The following STARD9 variants were observed in gnomAD, a reference collection of about 807,000 sequenced individuals.
STARD9 encodes StAR related lipid transfer domain containing 9.
A neutral mutation model predicts 399.8 loss-of-function variants in STARD9; 346 were observed. The ratio of observed to expected loss-of-function variants is 0.87; its 90% confidence interval spans 0.79 to 0.95. STARD9 has a LOEUF of 0.95. Ranked by LOEUF, STARD9 falls within the 40% of genes least tolerant of loss-of-function variation. The pLI is 0.00. For missense variants in STARD9, 5,832 were observed against 5,667.5 expected (o/e 1.03, Z -0.93); for synonymous variants, 2,203 against 2,143.5 (o/e 1.03, Z -0.77).
chr15:42,674,313 G>T, intron 16 of STARD9, 127 bp from the exon 17 acceptor site: 1 of 764,652 alleles, frequency 1.3e-6, no homozygotes, highest in Non-Finnish European at 2.2e-6. Context: ...CGACCAGGCT[G>T]GGATGGGATG....
chr15:42,633,415 T>C (rs543524780), intron 3 of STARD9, among the ~76,000 whole-genome samples: 2 of 152,254 alleles, frequency 1.3e-5, no homozygotes, highest in Admixed American at 6.5e-5. Flanking sequence ...CAAGAAGGCA[T>C]GGGATGCTAA....
chr15:42,582,241 T>TA (rs1225240230), intron 1 of STARD9, among the ~76,000 whole-genome samples: 2 of 152,216 alleles, frequency 1.3e-5, no homozygotes, highest in African/African-American at 2.4e-5. Context: ...TGAGGAAGGA[T>TA]AAAAAATAAG....
intron 16 of STARD9, chr15:42,672,474 C>G (rs1031548225): frequency 6.6e-6 from 1 of 152,178 alleles, no homozygotes; most frequent in Admixed American, 6.5e-5. Context: ...TGTGCCATAG[C>G]CTTTATCTTT....
At chr15:42,717,469 A>T (rs1292733446) in intron 28 of STARD9, among the ~76,000 whole-genome samples, 1 of 151,968 alleles carries the variant, frequency 6.6e-6, no homozygotes, top group African/African-American at 2.4e-5. Flanking sequence ...CCAAAAAAAT[A>T]AAAAAAGATA....
chr15:42,575,803 G>A, intron 1 of STARD9, 41 bp downstream of exon 1: 1 of 1,530,960 alleles, frequency 6.5e-7, no homozygotes, highest in African/African-American at 1.4e-5. Flanking sequence ...CTTCACAGGA[G>A]CTGAAAAGAG....
chr15:42,693,221 G>T lies in STARD9; in HGVS notation c.11643G>T (p.Arg3881Ser), dbSNP rs2060757001. The change falls in exon 23 of 33, where the codon AGG (arginine) becomes AGT (serine). Residue 3881 changes from arginine to serine, a missense_variant. By Grantham distance (110) the Arg-to-Ser change is moderately radical (BLOSUM62 -1). Around this residue, in one of 2 missense-constraint regions of STARD9, gnomAD observed 5,828 missense variants for 5,651.1 expected, o/e 1.03. Coordinates refer to ENST00000290607, the MANE Select transcript of STARD9 (RefSeq NM_020759.3). Reference protein sequence around the residue: ...PSTSEYPGDSRVQKKLGPTSA... With the variant: ...PSTSEYPGDSSVQKKLGPTSA... ...CTTCCGAGTATCCTGGGGACTCCAGGGTCCAGAAGAAGCTGGGCCCCACAA... is the reference window on the plus strand; with the variant it reads ...CTTCCGAGTATCCTGGGGACTCCAGTGTCCAGAAGAAGCTGGGCCCCACAA... 1 of 1,536,910 alleles carries T rather than the reference G, an allele frequency of 6.5e-7. No individual in the cohort carries two copies. Among genetic ancestry groups the T allele is most frequent in the Non-Finnish European group, 8.7e-7 (1 of 1,146,842 alleles).
At chr15:42,714,424 A>G (rs2061314689) in intron 26 of STARD9, among the ~76,000 whole-genome samples, 1 of 152,158 alleles carries the variant, frequency 6.6e-6, no homozygotes, top group Non-Finnish European at 1.5e-5. Context: ...AGTAATTTAC[A>G]TTATTGAATT....
rs2061361169 is a variant in STARD9, at chr15:42,716,910, C to T, written c.13373-17C>T. 1.3e-6 allele frequency: 2 copies of T among 1,537,014 alleles called. No homozygotes were observed. Among genetic ancestry groups the T allele is most frequent in the East Asian group, 2.4e-5 (1 of 40,924 alleles). ...GATGTTCAGTGCTATCACAGGGCCT[C>T]CACCTATTTCTTGTAGGCCACAGAG... On this transcript the variant is annotated splice_polypyrimidine_tract_variant and intron_variant, in intron 27 of 32. Transcript: ENST00000290607.
intron 7 of STARD9, among the ~76,000 whole-genome samples, chr15:42,648,747 T>C (rs2059695294): frequency 6.6e-6 from 1 of 152,104 alleles, no homozygotes; most frequent in African/African-American, 2.4e-5. Flanking sequence ...AGCCATTACC[T>C]TTCCCTTTTT....
At position 42,606,258 on chromosome 15, in the gene STARD9, TC is replaced by T. The variant is rs558945520; in HGVS notation, c.234+20623del. Among the ~76,000 whole-genome samples, 20 of 152,334 alleles carry T rather than the reference TC, an allele frequency of 1.3e-4. 1 individual carries two copies. In the South Asian group the frequency reaches 4.1e-3, roughly 32 times the overall value. Reference sequence around the variant, plus strand: ...TAGTCCATTCTACTGTCTCACCACATCCTGCTACCTTTGCACTCCTTCTCTG... The same window carrying T: ...TAGTCCATTCTACTGTCTCACCACATCTGCTACCTTTGCACTCCTTCTCTG... On this transcript the variant is annotated intron_variant, in intron 3 of 32. Coordinates refer to ENST00000290607, the MANE Select transcript of STARD9 (RefSeq NM_020759.3).
chr15:42,599,688 A>G (rs1160444706), intron 3 of STARD9, among the ~76,000 whole-genome samples: 1 of 152,192 alleles, frequency 6.6e-6, no homozygotes. Context: ...ACTAGGTCTC[A>G]TCTATCTTTG....
intron 22 of STARD9, among the ~76,000 whole-genome samples, chr15:42,682,784 C>T (rs760782918): frequency 5.3e-5 from 8 of 152,108 alleles, no homozygotes; most frequent in Non-Finnish European, 1.2e-4. Context: ...TCCCATCTTC[C>T]TTACCCCCTG....
In STARD9 at chr15:42,692,505, C is replaced by A; in HGVS notation, c.10927C>A (p.Gln3643Lys). ...GACGAACACATTCGAACAGGGCACA[C>A]AGACCCTCGGCAGCAGGCGCCACTG... ...TRTNTFEQGT[Q>K]TLGSRRHWSS... The change falls in exon 23 of 33, where the codon CAG becomes AAG. Residue 3643 changes from glutamine (Q) to lysine (K), a missense_variant. By Grantham distance (53) the Gln-to-Lys change is moderately conservative. Coordinates refer to ENST00000290607, the MANE Select transcript of STARD9 (RefSeq NM_020759.3). 1 of 1,537,182 alleles carries A rather than the reference C, an allele frequency of 6.5e-7. No homozygotes were observed. Among genetic ancestry groups the A allele is most frequent in the Non-Finnish European group, 8.7e-7 (1 of 1,146,908 alleles).
intron 20 of STARD9, among the ~76,000 whole-genome samples, chr15:42,677,823 G>T (rs2060342170): frequency 6.6e-6 from 1 of 152,136 alleles, no homozygotes; most frequent in Non-Finnish European, 1.5e-5. Flanking sequence ...AGCCCCTATT[G>T]CTGCCAGCAA....
rs1353156319 is a variant in STARD9 at position 42,719,772 on chromosome 15, G to A, written c.*198G>A. ...GTACTTGGTCACAGCTGGCACCAGT[G>A]CAGAGCAAACGGCCTGAGCTCCTGG... On this transcript the variant is annotated 3_prime_UTR_variant, in exon 33 of 33. Coordinates refer to ENST00000290607, the MANE Select transcript of STARD9 (RefSeq NM_020759.3). 1 of 565,650 alleles carries A rather than the reference G, an allele frequency of 1.8e-6. No individual in the cohort carries two copies. The allele number at this position is 565,650 out of a possible 1,614,324, so 35.0% of individuals were successfully genotyped here.
chr15:42,607,204 T>TTTTTC (rs2058746862), intron 3 of STARD9, among the ~76,000 whole-genome samples: 2 of 126,924 alleles, frequency 1.6e-5, no homozygotes, highest in Non-Finnish European at 3.5e-5. Context: ...CTTTTTTTTT[T>TTTTTC]TTTTTTTTTT....
intron 3 of STARD9, among the ~76,000 whole-genome samples, chr15:42,621,429 G>T (rs1253987245): frequency 1.3e-5 from 2 of 152,074 alleles, no homozygotes; most frequent in African/African-American, 2.4e-5. Context: ...AAATTTAACA[G>T]AGCTTAATTG....
rs767759380 is a variant in STARD9 at position 42,716,961 on chromosome 15, A to G, written c.13407A>G (p.Ser4469=). 1 of 1,537,174 alleles carries G rather than the reference A, an allele frequency of 6.5e-7. No homozygotes were observed. The highest frequency in any genetic ancestry group is 8.7e-7 in the Non-Finnish European group (1 of 1,146,890). Residue 4469 remains serine, a synonymous_variant, in exon 28 of 33, where the codon TCA becomes TCG. Transcript: ENST00000290607. Reference sequence around the variant, plus strand: ...CCTCCCTGGGCAGTTGCTGCTGTTCACCATCCAGTCTGTCCAGCTTGGGGA... The same window carrying G: ...CCTCCCTGGGCAGTTGCTGCTGTTCGCCATCCAGTCTGTCCAGCTTGGGGA... ...HRASLGSCCC[S]PSSLSSLGTC...
At chr15:42,708,540 C>T (rs906046346) in intron 26 of STARD9, among the ~76,000 whole-genome samples, 10 of 152,146 alleles carry the variant, frequency 6.6e-5, no homozygotes, top group Non-Finnish European at 1.5e-4. Flanking sequence ...TCCTGGAGCC[C>T]CTTTTGATTC....
Sources: allele counts gnomAD v4.1 joint callset (sites outside exome capture counted in the v4.1 genomes callset), GRCh38; gene constraint gnomAD v4.1.1; regional missense constraint gnomAD v4.1.1; transcripts MANE v1.5; gene names NCBI Gene and HGNC (gene_info 2026-07-23, HGNC 2026-07-21).